LMX1A: variants seen among roughly 807,000 people sequenced by gnomAD.
LMX1A encodes the protein LIM homeobox transcription factor 1 alpha, also known as LIM homeobox transcription factor 1-alpha.
A neutral mutation model predicts 49.1 loss-of-function variants in LMX1A; 15 were observed. The observed-to-expected ratio is 0.31, with a 90% CI of 0.20 to 0.47. The LOEUF is 0.47. Ranked by LOEUF, LMX1A falls within the 20% of genes least tolerant of loss-of-function variation. LMX1A has a pLI of 1.00. For missense variants in LMX1A, 372 were observed against 475.8 expected, an observed-to-expected ratio of 0.78 and a Z score of 2.03; for synonymous variants, 167 against 185.7, an observed-to-expected ratio of 0.90 and a Z score of 0.82.
intron 3 of LMX1A, among the ~76,000 whole-genome samples, chr1:165,303,156 G>T (rs1245392815): frequency 6.6e-6 from 1 of 152,098 alleles, no homozygotes; most frequent in Non-Finnish European, 1.5e-5. Context: ...CATGCATCTT[G>T]GTCCAAAACC....
intron 3 of LMX1A, among the ~76,000 whole-genome samples, chr1:165,324,164 G>T (rs963673113): frequency 1.1e-4 from 17 of 152,334 alleles, no homozygotes; most frequent in African/African-American, 4.1e-4. Context: ...TGATTACTTA[G>T]CAGTGCCTGC....
intron 3 of LMX1A, among the ~76,000 whole-genome samples, chr1:165,253,372 T>C (rs1355159633): frequency 6.6e-6 from 1 of 152,196 alleles, no homozygotes; most frequent in African/African-American, 2.4e-5. Flanking sequence ...TCTAAGTCAA[T>C]ACATGTGCAC....
At chr1:165,220,337 A>G (rs1377333608) in intron 4 of LMX1A, among the ~76,000 whole-genome samples, 1 of 152,202 alleles carries the variant, frequency 6.6e-6, no homozygotes, top group African/African-American at 2.4e-5. Flanking sequence ...AAGTTAATGA[A>G]TGAAGGAGGC....
intron 3 of LMX1A, among the ~76,000 whole-genome samples, chr1:165,323,001 T>G (rs1237901250): frequency 2.6e-5 from 4 of 152,090 alleles, no homozygotes; most frequent in Non-Finnish European, 4.4e-5. Context: ...AAACTCTATT[T>G]CCTCAAATGC....
chr1:165,312,055 A>G (rs1571216485), intron 3 of LMX1A, among the ~76,000 whole-genome samples: 2 of 152,306 alleles, frequency 1.3e-5, no homozygotes, highest in Non-Finnish European at 2.9e-5. Flanking sequence ...ACTCTGACAA[A>G]TGATAATTGC....
intron 3 of LMX1A, among the ~76,000 whole-genome samples, chr1:165,341,473 T>C (rs1244558292): frequency 6.6e-6 from 1 of 152,180 alleles, no homozygotes; most frequent in Non-Finnish European, 1.5e-5. Flanking sequence ...CTAACATGCA[T>C]TCACTAAATA....
At chr1:165,221,515 T>C (rs1232479167) in intron 4 of LMX1A, among the ~76,000 whole-genome samples, 13 of 152,100 alleles carry the variant, frequency 8.5e-5, no homozygotes, top group Non-Finnish European at 1.8e-4. Context: ...CCAAGCTGCA[T>C]GCCAGAGTCA....
At chr1:165,259,476 T>C (rs1371225529) in intron 3 of LMX1A, among the ~76,000 whole-genome samples, 2 of 152,186 alleles carry the variant, frequency 1.3e-5, no homozygotes, top group African/African-American at 4.8e-5. Flanking sequence ...AACAGACCAT[T>C]TCCCCACATC....
intron 3 of LMX1A, among the ~76,000 whole-genome samples, chr1:165,285,666 C>A (rs977209138): frequency 1.4e-4 from 22 of 152,210 alleles, no homozygotes; most frequent in African/African-American, 4.6e-4. Flanking sequence ...ATGGGCTCAG[C>A]CTGATGGACT....
chr1:165,315,754 C>T (rs1163599414), intron 3 of LMX1A, among the ~76,000 whole-genome samples: 1 of 152,192 alleles, frequency 6.6e-6, no homozygotes, highest in Non-Finnish European at 1.5e-5. Context: ...CAGAGAGTCC[C>T]ATCCACCCCT....
At chr1:165,327,978 T>C (rs921315947) in intron 3 of LMX1A, among the ~76,000 whole-genome samples, 15 of 152,188 alleles carry the variant, frequency 9.9e-5, no homozygotes, top group African/African-American at 3.6e-4. Flanking sequence ...TGGAAAAATA[T>C]TTCTATCTAA....
intron 3 of LMX1A, among the ~76,000 whole-genome samples, chr1:165,295,333 T>C (rs1323527308): frequency 6.6e-6 from 1 of 151,532 alleles, no homozygotes; most frequent in East Asian, 1.9e-4. Flanking sequence ...AGTAAGATGA[T>C]GGGTAATTTT....
intron 3 of LMX1A, among the ~76,000 whole-genome samples, chr1:165,294,152 T>C (rs995734101): frequency 6.6e-6 from 1 of 152,184 alleles, no homozygotes; most frequent in Non-Finnish European, 1.5e-5. Context: ...CGCTAGCAAC[T>C]GCATTTCTAA....
At chr1:165,213,550 GA>G (rs1388493952) in intron 5 of LMX1A, 90 bp downstream of exon 5, 6 of 1,206,880 alleles carry the variant, frequency 5.0e-6, no homozygotes, top group Admixed American at 2.1e-5. Context: ...TCACCACTGT[GA>G]CCCCCAATGC....
At position 165,281,746 on chromosome 1, in the gene LMX1A, ATG is replaced by A. The variant is rs56913866; in HGVS notation, c.264-32108_264-32107del. Among the ~76,000 whole-genome samples the A allele has an allele frequency of 4.5e-3, 565 of 125,400 alleles. 1 individual carries two copies. The highest frequency in any genetic ancestry group is 0.021 in the East Asian group (102 of 4,774). The allele number at this position is 125,400 out of a possible 152,430, so 82.3% of individuals were successfully genotyped here. On this transcript the variant is annotated intron_variant, in intron 3 of 8. Transcript: ENST00000342310. ...GGCAATATTTTGTGTGTGTGTGTGT[ATG>A]TGTGTGTGTGTGTGTGTGTGTGTGT...
chr1:165,276,515 A>T (rs1653973000), intron 3 of LMX1A, among the ~76,000 whole-genome samples: 1 of 152,234 alleles, frequency 6.6e-6, no homozygotes, highest in Non-Finnish European at 1.5e-5. Context: ...GAGAATGAAC[A>T]GCCAGTGGCC....
At chr1:165,276,499 C>T (rs749291104) in intron 3 of LMX1A, among the ~76,000 whole-genome samples, 2 of 152,202 alleles carry the variant, frequency 1.3e-5, no homozygotes, top group Non-Finnish European at 2.9e-5. Context: ...TCATTTCCAG[C>T]CTCAGGAGAA....
Position 165,213,741 on chromosome 1 carries a change from T to C in LMX1A, c.569A>G (p.Lys190Arg). The change falls in exon 5 of 9, where the codon AAG becomes AGG. Residue 190 changes from lysine (K) to arginine (R), a missense_variant. Physicochemically the swap from Lys to Arg is conservative, Grantham distance 26. Transcript: ENST00000342310. ...GAGKGTAEEGKDHKRPKRPRT... is the reference protein window; with the variant it reads ...GAGKGTAEEGRDHKRPKRPRT... ...CGGACGTTTGGGGCGCTTATGGTCC[T>C]TGCCTTCCTCAGCAGTTCCTTTCCC... The C allele has an allele frequency of 6.2e-7, 1 of 1,614,210 alleles. No individual in the cohort carries two copies. The highest frequency in any genetic ancestry group is 1.1e-5 in the South Asian group (1 of 91,074).
chr1:165,282,836 T>C (rs1361260188), intron 3 of LMX1A, among the ~76,000 whole-genome samples: 3 of 152,244 alleles, frequency 2.0e-5, no homozygotes, highest in Non-Finnish European at 4.4e-5. Context: ...ATCCCTTGCC[T>C]TCCTAAACTG....
Sources: gnomAD v4.1 joint callset for allele counts (sites outside exome capture counted in the v4.1 genomes callset) on GRCh38, gnomAD v4.1.1 for gene constraint, MANE v1.5 for transcripts, NCBI Gene and HGNC (gene_info 2026-07-23, HGNC 2026-07-21) for gene names.